LIMS2: variants seen among roughly 807,000 people sequenced by gnomAD.
LIMS2 encodes LIM zinc finger domain containing 2, also known as LIM and senescent cell antigen-like-containing domain protein 2.
A neutral mutation model predicts 45.3 loss-of-function variants in LIMS2; 30 were observed. The ratio of observed to expected loss-of-function variants is 0.66; its 90% CI spans 0.50 to 0.90. The LOEUF (loss-of-function observed/expected upper bound fraction) is 0.90. LIMS2 is among the 40% of genes least tolerant of loss of function. The probability of loss-of-function intolerance (pLI) is 0.00; values close to 1 mark genes in which losing one functional copy is unlikely to be tolerated. For missense variants in LIMS2, 485 were observed against 468.7 expected (o/e 1.03, Z -0.32); for synonymous variants, 173 against 188.0 (o/e 0.92, Z 0.65).
In LIMS2 at chr2:127,664,217, C is replaced by T; in HGVS notation, c.12-6655G>A. ...GGCAGAGCCCACGGCGTCGGAGGGCCCCGGTCGGGTTTCCGAGGGAAGGCC... is the reference window on the plus strand; with the variant it reads ...GGCAGAGCCCACGGCGTCGGAGGGCTCCGGTCGGGTTTCCGAGGGAAGGCC... On this transcript the variant is annotated intron_variant, in intron 1 of 9. Coordinates refer to ENST00000355119, the MANE Select transcript of LIMS2 (RefSeq NM_001161403.3). The surrounding 1 kb of genome is among the most constrained non-coding windows in gnomAD (Gnocchi z 5.5). The T allele has an allele frequency of 3.6e-6, 4 of 1,111,472 alleles. No homozygotes were observed. Among genetic ancestry groups the T allele is most frequent in the Non-Finnish European group, 4.5e-6 (4 of 890,130 alleles). 68.9% of individuals were successfully genotyped at this position (1,111,472 alleles called of 1,614,324 possible).
chr2:127,654,575 G>A (rs1250346646), intron 3 of LIMS2, 31 bp from the exon 4 acceptor site: 1 of 1,613,886 alleles, frequency 6.2e-7, no homozygotes, highest in Non-Finnish European at 8.5e-7. Context: ...GCTGGCTGGG[G>A]AGCACGTGCC....
intron 4 of LIMS2, chr2:127,650,692 G>C (rs1006800389): frequency 1.3e-6 from 2 of 1,548,738 alleles, no homozygotes; most frequent in African/African-American, 2.7e-5. Context: ...AGCTCATTGT[G>C]AACTGTTTGC....
rs1684920401 is a variant in LIMS2, at chr2:127,664,796, TGAG to T, written c.12-7237_12-7235del. Among the ~76,000 whole-genome samples the T allele has an allele frequency of 1.3e-5, 2 of 152,220 alleles. No homozygotes were observed. The highest frequency in any genetic ancestry group is 1.9e-4 in the East Asian group (1 of 5,154). ...ACACACTGAGGAGGGCAGAGTCAGC[TGAG>T]GAGGACAGGGAGGACCTGGCGCCTT... On this transcript the variant is annotated intron_variant, in intron 1 of 9. Coordinates refer to ENST00000355119, the MANE Select transcript of LIMS2 (RefSeq NM_001161403.3). This position sits in a 1 kb window ranked among gnomAD's most constrained non-coding sequence, Gnocchi z 5.5.
chr2:127,640,124 G>A lies in LIMS2; in HGVS notation c.824C>T (p.Ala275Val). The A allele has an allele frequency of 6.2e-7, 1 of 1,613,460 alleles. No homozygotes were observed. Among genetic ancestry groups the A allele is most frequent in the East Asian group, 2.2e-5 (1 of 44,894 alleles). Residue 275 changes from alanine (A) to valine (V), a missense_variant, in exon 9 of 10, where the codon GCC becomes GTC. By Grantham distance (64) the Ala-to-Val change is moderately conservative. Transcript: ENST00000355119. ...GCAGGAGAAGCAGCTCACACACCAG[G>A]CCTTGTTGAGGGCCGACACCACTGT... ...EGDVVSALNKAWCVSCFSCST... is the reference protein window; with the variant it reads ...EGDVVSALNKVWCVSCFSCST...
intron 4 of LIMS2, among the ~76,000 whole-genome samples, chr2:127,644,666 A>G (rs897715838): frequency 3.9e-5 from 6 of 152,232 alleles, no homozygotes; most frequent in Non-Finnish European, 8.8e-5. Context: ...AGATGCAGGA[A>G]TCAGCTCAAC....
intron 4 of LIMS2, chr2:127,651,460 C>T: frequency 6.2e-7 from 1 of 1,612,908 alleles, no homozygotes; most frequent in Non-Finnish European, 8.5e-7. Flanking sequence ...ATAGTGCTGG[C>T]CATCTTCCTG....
intron 2 of LIMS2, chr2:127,656,232 C>T (rs982688649): frequency 6.6e-6 from 1 of 152,130 alleles, no homozygotes; most frequent in African/African-American, 2.4e-5. Context: ...CAACCAGCTC[C>T]CAAGATTGTT....
chr2:127,641,110 C>A, intron 6 of LIMS2, 122 bp from the exon 7 acceptor site: 1 of 715,402 alleles, frequency 1.4e-6, no homozygotes, highest in East Asian at 2.6e-5. Flanking sequence ...CACAGTGGCC[C>A]CAGGAGGCAG....
chr2:127,657,463 A>G lies in LIMS2; in HGVS notation c.111T>C (p.His37=). The change falls in exon 2 of 10, where the codon CAT becomes CAC. Residue 37 remains histidine, a synonymous_variant. Transcript: ENST00000355119. ...ACTGGGCACACACGAAGCAGTGCTC[A>G]TGGTACAGCTCCCCATTGCTGTTGA... ...RIVNSNGELY[H]EHCFVCAQCF... 1 of 1,613,822 alleles carries G rather than the reference A, an allele frequency of 6.2e-7. No homozygotes were observed.
intron 1 of LIMS2, among the ~76,000 whole-genome samples, chr2:127,670,110 T>C (rs185665987): frequency 6.6e-6 from 1 of 152,354 alleles, no homozygotes; most frequent in East Asian, 1.9e-4. Context: ...AGAGTTACCA[T>C]ATGCCAGCAA....
At chr2:127,668,668 C>CAAAAAAAAAAAAAAAAAAAAAAAAAAAA (rs70985469) in intron 1 of LIMS2, among the ~76,000 whole-genome samples, 3 of 17,268 alleles carry the variant, frequency 1.7e-4, no homozygotes, top group African/African-American at 1.8e-4. Flanking sequence ...GACTCCGTCT[C>CAAAAAAAAAAAAAAAAAAAAAAAAAAAA]AAAAAAAAAA....
In LIMS2 at chr2:127,639,212, G is replaced by A; in HGVS notation, c.*69C>T. On this transcript the variant is annotated 3_prime_UTR_variant, in exon 10 of 10. Coordinates refer to ENST00000355119, the MANE Select transcript of LIMS2 (RefSeq NM_001161403.3). ...GGAGGGCACAGGTGGATGGGGACGA[G>A]GGGGCCAAGCATGGACAGCAGGAGG... 6.4e-7 allele frequency: 1 copy of A among 1,550,866 alleles called. No homozygotes were observed. Among genetic ancestry groups the A allele is most frequent in the African/African-American group, 1.4e-5 (1 of 73,540 alleles).
chr2:127,673,112 A>G (rs542122570), intron 1 of LIMS2, among the ~76,000 whole-genome samples: 1 of 152,332 alleles, frequency 6.6e-6, no homozygotes, highest in African/African-American at 2.4e-5. Context: ...AAGGCAGGGA[A>G]GCCAGTGGGG....
At chr2:127,668,023 C>A (rs564452299) in intron 1 of LIMS2, among the ~76,000 whole-genome samples, 1 of 152,128 alleles carries the variant, frequency 6.6e-6, no homozygotes, top group Non-Finnish European at 1.5e-5. Flanking sequence ...ATACCAGAAT[C>A]GCTAGCAATG....
intron 4 of LIMS2, chr2:127,651,435 G>A (rs1227516726): frequency 1.2e-6 from 2 of 1,612,916 alleles, no homozygotes; most frequent in South Asian, 1.1e-5. Flanking sequence ...GACCAAGGCA[G>A]TGCGCATGAT....
intron 1 of LIMS2, among the ~76,000 whole-genome samples, chr2:127,659,724 A>G (rs1356414021): frequency 1.3e-5 from 2 of 152,216 alleles, no homozygotes; most frequent in East Asian, 1.9e-4. Flanking sequence ...AAGGACTTCC[A>G]CCCAGCCCCA....
chr2:127,652,392 C>A (rs999458855), intron 4 of LIMS2: 1 of 168,296 alleles, frequency 5.9e-6, no homozygotes, highest in African/African-American at 2.4e-5. Flanking sequence ...CACAAGCCTG[C>A]AACCCCCAGA....
At chr2:127,644,513 G>C (rs372210004) in intron 4 of LIMS2, among the ~76,000 whole-genome samples, 3 of 152,106 alleles carry the variant, frequency 2.0e-5, no homozygotes, top group Non-Finnish European at 4.4e-5. Context: ...CCCACCTGGC[G>C]CCTATGGCGG....
chr2:127,666,975 G>T (rs1427949812), intron 1 of LIMS2, among the ~76,000 whole-genome samples: 1 of 152,174 alleles, frequency 6.6e-6, no homozygotes, highest in East Asian at 1.9e-4. Flanking sequence ...TTTAGTTGGG[G>T]ACACAAAGCC....
Sources: allele counts gnomAD v4.1 joint callset (sites outside exome capture counted in the v4.1 genomes callset), GRCh38; gene constraint gnomAD v4.1.1; non-coding constraint Gnocchi (gnomAD v3.1); transcripts MANE v1.5; gene names NCBI Gene and HGNC (gene_info 2026-07-23, HGNC 2026-07-21).